Variants in ADAMTS3 observed in about 807,000 individuals in gnomAD.
The protein encoded by ADAMTS3 is ADAM metallopeptidase with thrombospondin type 1 motif 3, also known as A disintegrin and metalloproteinase with thrombospondin motifs 3.
ADAMTS3 carries 73 observed loss-of-function variants against 129.0 expected under a neutral mutation model. The ratio of observed to expected loss-of-function variants is 0.57; its 90% CI spans 0.47 to 0.69. The LOEUF is 0.69. Ranked by LOEUF, ADAMTS3 falls within the 30% of genes least tolerant of loss-of-function variation. The pLI is 0.00. For synonymous variants in ADAMTS3, 477 were observed against 510.8 expected, an observed-to-expected ratio of 0.93 and a Z score of 0.89; for missense variants, 1,457 against 1,514.5, an observed-to-expected ratio of 0.96 and a Z score of 0.63.
intron 4 of ADAMTS3, among the ~76,000 whole-genome samples, chr4:72,389,415 C>A (rs1021416986): frequency 2.6e-5 from 4 of 151,528 alleles, no homozygotes; most frequent in African/African-American, 9.7e-5. Flanking sequence ...TTAAAACAAA[C>A]ATGGAAAAAT....
intron 5 of ADAMTS3, among the ~76,000 whole-genome samples, chr4:72,328,928 T>A (rs1719766807): frequency 6.6e-6 from 1 of 152,192 alleles, no homozygotes; most frequent in Non-Finnish European, 1.5e-5. Context: ...TCATACCTGC[T>A]TGTATTCTCA....
intron 20 of ADAMTS3, among the ~76,000 whole-genome samples, chr4:72,289,094 A>G (rs976591435): frequency 1.3e-5 from 2 of 152,130 alleles, no homozygotes; most frequent in African/African-American, 4.8e-5. Context: ...TTTTTTCTAC[A>G]TAAGATTCAC....
At chr4:72,450,942 A>AGGAG (rs1394633831) in intron 3 of ADAMTS3, among the ~76,000 whole-genome samples, 1 of 149,344 alleles carries the variant, frequency 6.7e-6, no homozygotes. Context: ...GAAGGAAGGA[A>AGGAG]GGAAGGCAGG....
intron 14 of ADAMTS3, among the ~76,000 whole-genome samples, chr4:72,310,303 A>C (rs1263907275): frequency 6.6e-6 from 1 of 152,096 alleles, no homozygotes; most frequent in East Asian, 1.9e-4. Context: ...TATGGGATGA[A>C]AGGTGGCAGG....
chr4:72,399,058 G>C (rs1221343100), intron 4 of ADAMTS3, among the ~76,000 whole-genome samples: 1 of 152,100 alleles, frequency 6.6e-6, no homozygotes, highest in Non-Finnish European at 1.5e-5. Flanking sequence ...AAAAATTTTA[G>C]TTGAGAGCTT....
chr4:72,454,665 A>C (rs1052093691), intron 3 of ADAMTS3, among the ~76,000 whole-genome samples: 2 of 151,662 alleles, frequency 1.3e-5, no homozygotes, highest in African/African-American at 2.4e-5. Flanking sequence ...TTACCTTTGT[A>C]AAATACAATA....
chr4:72,520,785 T>C (rs1578757840), intron 3 of ADAMTS3, among the ~76,000 whole-genome samples: 2 of 152,088 alleles, frequency 1.3e-5, no homozygotes, highest in Admixed American at 6.5e-5. Flanking sequence ...CCTGACCCCT[T>C]GTGCTTCCCG....
chr4:72,501,220 C>T lies in ADAMTS3; in HGVS notation c.504+47258G>A, dbSNP rs190858619. Among the ~76,000 whole-genome samples the T allele has an allele frequency of 1.0e-3, 156 of 152,224 alleles. 2 individuals carry two copies. The highest frequency in any genetic ancestry group is 3.3e-3 in the African/African-American group (139 of 41,570). On this transcript the variant is annotated intron_variant, in intron 3 of 21. Transcript: ENST00000286657. ...GCTTTGGACAGTATGGCCATTTTAACAATATTAATTCTTCCAATCCATGAG... is the reference window on the plus strand; with the variant it reads ...GCTTTGGACAGTATGGCCATTTTAATAATATTAATTCTTCCAATCCATGAG...
At chr4:72,372,543 G>C (rs980748942) in intron 4 of ADAMTS3, among the ~76,000 whole-genome samples, 2 of 151,872 alleles carry the variant, frequency 1.3e-5, no homozygotes, top group African/African-American at 4.8e-5. Flanking sequence ...AATATATTAA[G>C]TAATAAACTT....
At chr4:72,286,899 TAGG>T (rs1424138927) in intron 21 of ADAMTS3, among the ~76,000 whole-genome samples, 2 of 150,776 alleles carry the variant, frequency 1.3e-5, no homozygotes, top group African/African-American at 2.4e-5. Flanking sequence ...AAGAGAAAGA[TAGG>T]AGGAGAAAGA....
chr4:72,296,201 ACTTTTCTTC>A (rs1718803912), intron 18 of ADAMTS3, among the ~76,000 whole-genome samples: 1 of 152,076 alleles, frequency 6.6e-6, no homozygotes, highest in East Asian at 1.9e-4. Context: ...GAGGATCAGT[ACTTTTCTTC>A]AGCAGAATAC....
At chr4:72,468,942 A>C (rs1357886644) in intron 3 of ADAMTS3, among the ~76,000 whole-genome samples, 2 of 152,094 alleles carry the variant, frequency 1.3e-5, no homozygotes, top group Non-Finnish European at 2.9e-5. Context: ...AAGATGGCAC[A>C]GCATCTTTCT....
intron 3 of ADAMTS3, among the ~76,000 whole-genome samples, chr4:72,541,965 A>C (rs532344752): frequency 2.0e-5 from 3 of 152,348 alleles, no homozygotes; most frequent in African/African-American, 7.2e-5. Flanking sequence ...AAATTTAATC[A>C]TAGTTAAAAT....
In ADAMTS3 at chr4:72,548,606, T is replaced by C; in HGVS notation, c.376A>G (p.Asn126Asp). Reference protein sequence around the residue: ...VPGNITDPINNHQPGSATYRI... With the variant: ...VPGNITDPINDHQPGSATYRI... Reference sequence around the variant, plus strand: ...TACGTAGCACTTCCTGGTTGATGGTTGTTAATGGGATCGGTTATATTCCCA... The same window carrying C: ...TACGTAGCACTTCCTGGTTGATGGTCGTTAATGGGATCGGTTATATTCCCA... The change falls in exon 3 of 22, where the codon AAC (asparagine) becomes GAC (aspartate). Residue 126 changes from asparagine (N) to aspartate (D), a missense_variant. By Grantham distance (23) the Asn-to-Asp change is conservative. Transcript: ENST00000286657. 8 of 1,614,016 alleles carry C rather than the reference T, an allele frequency of 5.0e-6. No homozygotes were observed. Among genetic ancestry groups the C allele is most frequent in the Non-Finnish European group, 6.8e-6 (8 of 1,179,938 alleles).
intron 3 of ADAMTS3, among the ~76,000 whole-genome samples, chr4:72,531,879 C>A (rs1006022834): frequency 1.3e-5 from 2 of 152,016 alleles, no homozygotes; most frequent in African/African-American, 4.8e-5. Flanking sequence ...AGAACATAGC[C>A]TGGGGAGATG....
chr4:72,493,173 T>C (rs1175776982), intron 3 of ADAMTS3, among the ~76,000 whole-genome samples: 3 of 151,984 alleles, frequency 2.0e-5, no homozygotes, highest in African/African-American at 7.2e-5. Flanking sequence ...TCAGCCATTC[T>C]ATCCTATGAC....
At chr4:72,391,748 T>TAA (rs995530236) in intron 4 of ADAMTS3, among the ~76,000 whole-genome samples, 1 of 150,090 alleles carries the variant, frequency 6.7e-6, no homozygotes, top group East Asian at 1.9e-4. Flanking sequence ...TAGTGAAGGT[T>TAA]AAAAAAAAAC....
At chr4:72,431,817 A>C (rs2109947134) in intron 3 of ADAMTS3, among the ~76,000 whole-genome samples, 1 of 152,124 alleles carries the variant, frequency 6.6e-6, no homozygotes, top group South Asian at 2.1e-4. Flanking sequence ...GCGATACATA[A>C]GATTTATATA....
intron 2 of ADAMTS3, among the ~76,000 whole-genome samples, chr4:72,565,583 T>G (rs1342111449): frequency 6.6e-6 from 1 of 152,206 alleles, no homozygotes; most frequent in Non-Finnish European, 1.5e-5. Context: ...TGTTCTTCTC[T>G]TCATTCAACT....
Sources: gnomAD v4.1 joint callset for allele counts (sites outside exome capture counted in the v4.1 genomes callset) on GRCh38, gnomAD v4.1.1 for gene constraint, MANE v1.5 for transcripts, NCBI Gene and HGNC (gene_info 2026-07-23, HGNC 2026-07-21) for gene names.